Variants in SLC36A4 observed in about 807,000 individuals in gnomAD.
SLC36A4 encodes neutral amino acid uniporter 4.
Under a neutral mutation model 50.5 loss-of-function variants are expected in SLC36A4, and 49 were observed. That is an observed-to-expected ratio of 0.97 (90% CI 0.77 to 1.23). SLC36A4 has a LOEUF of 1.23. SLC36A4 is among the 50% of genes most tolerant of loss of function. SLC36A4 has a pLI of 0.00. For synonymous variants in SLC36A4, 207 were observed against 206.5 expected (o/e 1.00, Z -0.02); for missense variants, 611 against 608.4 (o/e 1.00, Z -0.05).
rs137878090 is a variant in SLC36A4 at position 93,151,100 on chromosome 11, A to T, written c.1208-2256T>A. On this transcript the variant is annotated intron_variant, in intron 10 of 10. Coordinates refer to ENST00000326402, the MANE Select transcript of SLC36A4 (RefSeq NM_152313.4). The stretch of plus-strand genomic sequence containing the variant: ...ATTTTAAACATTATATTACCAAAAG[A>T]TATTTGCTTGTAAAAATGGTTTGAA... Among the ~76,000 whole-genome samples the T allele has an allele frequency of 6.2e-4, 95 of 152,156 alleles. 1 individual carries two copies. Among genetic ancestry groups the T allele is most frequent in the Admixed American group, 5.1e-3 (78 of 15,246 alleles).
intron 1 of SLC36A4, among the ~76,000 whole-genome samples, chr11:93,188,021 T>C (rs4267030): frequency 0.24 from 36,245 of 152,134 alleles, 5,242 homozygotes; most frequent in East Asian, 0.32. Flanking sequence ...GAGATTTTCA[T>C]GGTGCTTGAT....
intron 5 of SLC36A4, among the ~76,000 whole-genome samples, chr11:93,181,172 C>G (rs1210977443): frequency 6.6e-6 from 1 of 151,968 alleles, no homozygotes; most frequent in Non-Finnish European, 1.5e-5. Flanking sequence ...CCTTATTTTT[C>G]TAGTCCTGTA....
rs1380601321 is a variant in SLC36A4 at position 93,162,741 on chromosome 11, T to C, written c.1002A>G (p.Lys334=). The change falls in exon 9 of 11, where the codon AAA becomes AAG. Residue 334 remains lysine (K), a synonymous_variant. Coordinates refer to ENST00000326402, the MANE Select transcript of SLC36A4 (RefSeq NM_152313.4). ...GGGGAAGATTTAAAGTTATGCTGCCTTTGATTTCATCATGGAAACACATAT... is the reference window on the plus strand; with the variant it reads ...GGGGAAGATTTAAAGTTATGCTGCCCTTGATTTCATCATGGAAACACATAT... The part of the protein sequence containing the change: ...LGYMCFHDEI[K]GSITLNLPQD... 6.2e-7 allele frequency: 1 copy of C among 1,612,382 alleles called. No homozygotes were observed. Among genetic ancestry groups the C allele is most frequent in the Non-Finnish European group, 8.5e-7 (1 of 1,179,458 alleles).
At chr11:93,195,753 C>G (rs1468781706) in intron 1 of SLC36A4, among the ~76,000 whole-genome samples, 1 of 152,182 alleles carries the variant, frequency 6.6e-6, no homozygotes, top group Non-Finnish European at 1.5e-5. Flanking sequence ...TTTAGTTATT[C>G]TTTCTGCCTG....
intron 1 of SLC36A4, among the ~76,000 whole-genome samples, chr11:93,186,119 A>G (rs994104717): frequency 1.3e-5 from 2 of 152,230 alleles, no homozygotes; most frequent in Admixed American, 1.3e-4. Context: ...ACCATGAGAA[A>G]TGTAAAGAAA....
In SLC36A4 at chr11:93,162,846, T is replaced by C. The variant is rs748221924; in HGVS notation, c.897A>G (p.Glu299=). 1 of 1,613,018 alleles carries C rather than the reference T, an allele frequency of 6.2e-7. No homozygotes were observed. The highest frequency in any genetic ancestry group is 8.5e-7 in the Non-Finnish European group (1 of 1,179,740). ...VVLPLENQMK[E]SKRFPQALNI... is the part of the protein sequence containing the mutation. ...TCAACGCTTGAGGGAAACGCTTTGATTCTTTCATTTGGTTTTCCAGTGGAA... is the reference window on the plus strand; with the variant it reads ...TCAACGCTTGAGGGAAACGCTTTGACTCTTTCATTTGGTTTTCCAGTGGAA... Residue 299 remains glutamate, a synonymous_variant, in exon 9 of 11, where the codon GAA becomes GAG. Coordinates refer to ENST00000326402, the MANE Select transcript of SLC36A4 (RefSeq NM_152313.4).
At chr11:93,170,181 G>T (rs555931051) in intron 6 of SLC36A4, 1 of 152,046 alleles carries the variant, frequency 6.6e-6, no homozygotes, top group East Asian at 1.9e-4. Flanking sequence ...CTATCTAATA[G>T]GACTTCCTAC....
intron 4 of SLC36A4, chr11:93,182,136 C>G (rs1861763860): frequency 5.8e-6 from 1 of 171,890 alleles, no homozygotes; most frequent in Non-Finnish European, 1.2e-5. Flanking sequence ...ATTCTTAGAA[C>G]AGCATTATTT....
At chr11:93,155,983 G>A (rs922712496) in intron 9 of SLC36A4, among the ~76,000 whole-genome samples, 3 of 152,078 alleles carry the variant, frequency 2.0e-5, no homozygotes, top group East Asian at 1.9e-4. Context: ...TCACTGACAG[G>A]CATTTAGGTT....
chr11:93,178,722 A>T (rs991057483), intron 6 of SLC36A4, among the ~76,000 whole-genome samples: 60 of 152,192 alleles, frequency 3.9e-4, no homozygotes, highest in African/African-American at 1.4e-3. Flanking sequence ...ATCTATGACA[A>T]ACCCACAGCC....
intron 1 of SLC36A4, among the ~76,000 whole-genome samples, chr11:93,186,399 A>C (rs1351555367): frequency 6.6e-6 from 1 of 152,212 alleles, no homozygotes; most frequent in Non-Finnish European, 1.5e-5. Flanking sequence ...AGTTATACCA[A>C]TAAATTCCTC....
At chr11:93,157,183 A>G (rs1186510800) in intron 9 of SLC36A4, among the ~76,000 whole-genome samples, 2 of 151,966 alleles carry the variant, frequency 1.3e-5, no homozygotes, top group Admixed American at 6.6e-5. Context: ...TGGGCTCTCT[A>G]TTCTGTTCCA....
At chr11:93,182,621 A>C (rs1861785612) in intron 4 of SLC36A4, among the ~76,000 whole-genome samples, 185 bp downstream of exon 4, 1 of 152,156 alleles carries the variant, frequency 6.6e-6, no homozygotes, top group African/African-American at 2.4e-5. Flanking sequence ...GCTACCTTTT[A>C]AAAATAAATA....
At chr11:93,156,562 G>A (rs1860374507) in intron 9 of SLC36A4, among the ~76,000 whole-genome samples, 1 of 151,996 alleles carries the variant, frequency 6.6e-6, no homozygotes, top group Non-Finnish European at 1.5e-5. Flanking sequence ...TGGGACTACA[G>A]GCGCCTGCCA....
chr11:93,185,952 T>C lies in SLC36A4; in HGVS notation c.56-138A>G, dbSNP rs1240895356. ...TCCATCCTAAGTTAGTTCATACTAA[T>C]ACCCTGAGTTTTAGTACATTTAAAA... On this transcript the variant is annotated intron_variant, in intron 1 of 10. Transcript: ENST00000326402. The C allele has an allele frequency of 1.1e-5, 7 of 638,212 alleles. No individual in the cohort carries two copies. In the Admixed American group the frequency reaches 1.9e-4, roughly 17 times the overall value. The allele number at this position is 638,212 out of a possible 1,614,324, so 39.5% of individuals were successfully genotyped here. A position where few individuals can be genotyped will look rare whatever the true frequency, so the allele number is the denominator to read the frequency against.
At position 93,197,945 on chromosome 11, in the gene SLC36A4, C is replaced by T; in HGVS notation, c.-113G>A. The T allele has an allele frequency of 9.0e-7, 1 of 1,110,552 alleles. No homozygotes were observed. The highest frequency in any genetic ancestry group is 1.2e-6 in the Non-Finnish European group (1 of 834,624). 68.8% of individuals were successfully genotyped at this position (1,110,552 alleles called of 1,614,324 possible). On this transcript the variant is annotated 5_prime_UTR_variant, in exon 1 of 11. Transcript: ENST00000326402. ...GCCCGGAGGGACCCGCGCCTGGTGC[C>T]CGCCTCCCTGCCCCGGCGCTCCCCA...
At chr11:93,151,960 A>G (rs1185249248) in intron 10 of SLC36A4, 1 of 152,102 alleles carries the variant, frequency 6.6e-6, no homozygotes, top group Non-Finnish European at 1.5e-5. Context: ...TGAGGTGCCT[A>G]TATACCAGGT....
intron 9 of SLC36A4, chr11:93,160,715 C>T (rs964279219): frequency 2.0e-6 from 2 of 985,108 alleles, no homozygotes; most frequent in African/African-American, 1.7e-5. Flanking sequence ...ATATTCCTTA[C>T]ATGCTTTTGT....
In SLC36A4 at chr11:93,144,205, A is replaced by AC. The variant is rs1181442983; in HGVS notation, c.*4331_*4332insG. The AC allele has an allele frequency of 1.3e-5, 2 of 152,118 alleles. No homozygotes were observed. Among genetic ancestry groups the AC allele is most frequent in the Non-Finnish European group, 2.9e-5 (2 of 68,004 alleles). The allele number at this position is 152,118 out of a possible 1,614,324, so 9.4% of individuals were successfully genotyped here. Reference sequence around the variant, plus strand: ...CAAAATATTTTATTGAAAATTCAGAAAAGTTACAACACTTTAAGACAGCGT... The same window carrying AC: ...CAAAATATTTTATTGAAAATTCAGAACAAGTTACAACACTTTAAGACAGCGT... On this transcript the variant is annotated 3_prime_UTR_variant, in exon 11 of 11. Transcript: ENST00000326402.
Sources: allele counts gnomAD v4.1 joint callset (sites outside exome capture counted in the v4.1 genomes callset), GRCh38; gene constraint gnomAD v4.1.1; transcripts MANE v1.5; gene names NCBI Gene and HGNC (gene_info 2026-07-23, HGNC 2026-07-21).